CDH20: variants seen among roughly 807,000 people sequenced by gnomAD.
CDH20 encodes cadherin 20.
Under a neutral mutation model 74.2 loss-of-function variants are expected in CDH20, and 29 were observed. The observed-to-expected ratio is 0.39, with a 90% CI of 0.29 to 0.53. The LOEUF is 0.53. Ranked by LOEUF, CDH20 falls within the 20% of genes least tolerant of loss-of-function variation. The pLI, the probability that CDH20 is intolerant of heterozygous loss-of-function variation, is 0.69. For missense variants in CDH20, 988 were observed against 1,048.3 expected (o/e 0.94, Z 0.79); for synonymous variants, 469 against 405.4 (o/e 1.16, Z -1.88).
chr18:61,357,478 A>G (rs896761838), intron 1 of CDH20, among the ~76,000 whole-genome samples: 1 of 152,162 alleles, frequency 6.6e-6, no homozygotes, highest in East Asian at 1.9e-4. Flanking sequence ...TTAAGGGGCC[A>G]AATTCTATCT....
chr18:61,390,685 G>T (rs906623629), intron 1 of CDH20, among the ~76,000 whole-genome samples: 1 of 152,102 alleles, frequency 6.6e-6, no homozygotes, highest in Non-Finnish European at 1.5e-5. Context: ...ATGTATTTGG[G>T]GATTTGGTAA....
At chr18:61,394,616 T>A (rs1443172032) in intron 1 of CDH20, among the ~76,000 whole-genome samples, 1 of 152,144 alleles carries the variant, frequency 6.6e-6, no homozygotes, top group African/African-American at 2.4e-5. Flanking sequence ...CCTCCAGAAC[T>A]GTGAGACAAT....
intron 1 of CDH20, among the ~76,000 whole-genome samples, chr18:61,357,338 A>G (rs1910526884): frequency 6.6e-6 from 1 of 152,190 alleles, no homozygotes; most frequent in South Asian, 2.1e-4. Flanking sequence ...TGGCTTAAAT[A>G]TTCTAACCCC....
chr18:61,497,190 G>GA (rs1911201601), intron 2 of CDH20, among the ~76,000 whole-genome samples: 5 of 151,158 alleles, frequency 3.3e-5, no homozygotes, highest in African/African-American at 9.7e-5. Flanking sequence ...AAAATAAGTA[G>GA]AAAAAAGCCC....
intron 6 of CDH20, among the ~76,000 whole-genome samples, chr18:61,523,722 C>T (rs1233353): frequency 0.81 from 123,844 of 152,158 alleles, 50,906 homozygotes; most frequent in South Asian, 0.88. Flanking sequence ...ATATACAATA[C>T]GGAATACTAT....
intron 2 of CDH20, among the ~76,000 whole-genome samples, chr18:61,496,125 C>G (rs1269890162): frequency 3.6e-5 from 2 of 56,182 alleles, no homozygotes; most frequent in East Asian, 1.1e-3. Flanking sequence ...TTCCTCTCCC[C>G]CTCTCTCCTC....
intron 5 of CDH20, among the ~76,000 whole-genome samples, chr18:61,506,558 T>G (rs747403978): frequency 6.6e-6 from 1 of 152,102 alleles, no homozygotes; most frequent in Non-Finnish European, 1.5e-5. Flanking sequence ...ACATTATGAT[T>G]GACAAAATAA....
At chr18:61,356,983 A>G (rs1910517603) in intron 1 of CDH20, among the ~76,000 whole-genome samples, 1 of 152,206 alleles carries the variant, frequency 6.6e-6, no homozygotes, top group Non-Finnish European at 1.5e-5. Flanking sequence ...AAACTAGTTC[A>G]ATAGCCTGCC....
chr18:61,490,843 A>G (rs748816008), intron 2 of CDH20, 44 bp downstream of exon 2: 1 of 1,598,934 alleles, frequency 6.3e-7, no homozygotes, highest in Non-Finnish European at 8.6e-7. Flanking sequence ...TGGATATTGA[A>G]ATTGAATATG....
At chr18:61,502,813 T>A (rs1025426335) in intron 4 of CDH20, 140 bp from the exon 5 acceptor site, 2 of 598,216 alleles carry the variant, frequency 3.3e-6, no homozygotes, top group Non-Finnish European at 5.5e-6. Flanking sequence ...GAGATTTTTT[T>A]ACCTCAAATT....
intron 1 of CDH20, among the ~76,000 whole-genome samples, chr18:61,368,144 T>C (rs1910918922): frequency 6.6e-6 from 1 of 152,074 alleles, no homozygotes; most frequent in South Asian, 2.1e-4. Context: ...TTGGGCCTGC[T>C]TGGATAATCC....
At chr18:61,416,060 A>C (rs889100681) in intron 1 of CDH20, among the ~76,000 whole-genome samples, 8 of 151,906 alleles carry the variant, frequency 5.3e-5, no homozygotes, top group Non-Finnish European at 1.2e-4. Flanking sequence ...AAAAAATATT[A>C]AGATCACTAT....
intron 1 of CDH20, among the ~76,000 whole-genome samples, chr18:61,385,600 C>T (rs1354584862): frequency 1.1e-5 from 1 of 90,132 alleles, no homozygotes; most frequent in Admixed American, 1.8e-4. Context: ...AAAACCTTAC[C>T]ATAGTTATGA....
chr18:61,446,004 C>T (rs1435131262), intron 1 of CDH20, among the ~76,000 whole-genome samples: 1 of 152,130 alleles, frequency 6.6e-6, no homozygotes, highest in Non-Finnish European at 1.5e-5. Flanking sequence ...TTCCTCAAAG[C>T]ATAGCAGCTG....
chr18:61,490,919 T>C lies in CDH20; in HGVS notation c.246+120T>C, dbSNP rs1910938872. 3 of 1,035,960 alleles carry C rather than the reference T, an allele frequency of 2.9e-6. No individual in the cohort carries two copies. In the African/African-American group the frequency reaches 4.8e-5, roughly 16 times the overall value. The allele number at this position is 1,035,960 out of a possible 1,614,324, so 64.2% of individuals were successfully genotyped here. A position where few individuals can be genotyped will look rare whatever the true frequency, so the allele number is the denominator to read the frequency against. On this transcript the variant is annotated intron_variant, in intron 2 of 11. Coordinates refer to ENST00000262717, the MANE Select transcript of CDH20 (RefSeq NM_031891.4). ...GAGAAAAACTAGAACAAGTGGTACG[T>C]TACTTGACACCTAGCTAAAATGTAA...
intron 10 of CDH20, among the ~76,000 whole-genome samples, chr18:61,549,637 G>A (rs1357786166): frequency 6.6e-6 from 1 of 152,180 alleles, no homozygotes; most frequent in Non-Finnish European, 1.5e-5. Flanking sequence ...CAAGTCACCA[G>A]TGATTGTTCT....
chr18:61,436,408 A>T (rs931295678), intron 1 of CDH20, among the ~76,000 whole-genome samples: 1 of 152,274 alleles, frequency 6.6e-6, no homozygotes, highest in African/African-American at 2.4e-5. Context: ...CCACATCCTC[A>T]CCAACACTTG....
chr18:61,362,353 T>C (rs145624811), intron 1 of CDH20, among the ~76,000 whole-genome samples: 37 of 152,026 alleles, frequency 2.4e-4, no homozygotes, highest in African/African-American at 6.0e-4. Context: ...AGCAGCAGAG[T>C]CAATGCTGTA....
At chr18:61,459,802 A>T (rs36084186) in intron 1 of CDH20, among the ~76,000 whole-genome samples, 39,644 of 152,040 alleles carry the variant, frequency 0.26, 5,420 homozygotes, top group Middle Eastern at 0.41. Flanking sequence ...CCCTCTGCCT[A>T]ACCTCAGGTT....
Sources: gnomAD v4.1 joint callset for allele counts (sites outside exome capture counted in the v4.1 genomes callset) on GRCh38, gnomAD v4.1.1 for gene constraint, MANE v1.5 for transcripts, NCBI Gene and HGNC (gene_info 2026-07-23, HGNC 2026-07-21) for gene names.